Variants in MYH3 observed in about 807,000 individuals in gnomAD.
The protein encoded by MYH3 is myosin-3.
A neutral mutation model predicts 238.0 loss-of-function variants in MYH3; 130 were observed. The ratio of observed to expected loss-of-function variants is 0.55; its 90% CI spans 0.47 to 0.63. The LOEUF is 0.63. MYH3 is among the 30% of genes least tolerant of loss of function. The pLI is 0.00. For synonymous variants in MYH3, 880 were observed against 924.1 expected (o/e 0.95, Z 0.86); for missense variants, 1,853 against 2,374.9 (o/e 0.78, Z 4.57).
rs539906368 is a variant in MYH3 at position 10,637,264 on chromosome 17, C to T, written c.3856+545G>A. The stretch of plus-strand genomic sequence containing the variant: ...TAATAGAGACGGGGTTTCACCATGT[C>T]GGCCAGGCTGGTCTTGAACTCCTGA... On this transcript the variant is annotated intron_variant, in intron 28 of 40. Transcript: ENST00000583535. Among the ~76,000 whole-genome samples the T allele has an allele frequency of 3.2e-4, 49 of 152,002 alleles. 3 individuals carry two copies. The South Asian group carries it at 6.2e-3, about 19-fold the overall frequency.
Position 10,634,171 on chromosome 17 carries a change from C to T in MYH3, c.4368G>A (p.Glu1456=). ...KQRNFDKVLA[E]WKTKCEESQA... ...GGCTCTCCTCACACTTTGTCTTCCA[C>T]TCTGCCAACACCTGAAACACCGGAC... The change falls in exon 32 of 41, where the codon GAG becomes GAA. Residue 1456 remains glutamate (E), a synonymous_variant. Coordinates refer to ENST00000583535, the MANE Select transcript of MYH3 (RefSeq NM_002470.4). 1 of 1,614,224 alleles carries T rather than the reference C, an allele frequency of 6.2e-7. No homozygotes were observed. Among genetic ancestry groups the T allele is most frequent in the Non-Finnish European group, 8.5e-7 (1 of 1,180,050 alleles).
At chr17:10,672,260 G>A in the MYH3 span, among the ~76,000 whole-genome samples, 146 of 152,122 alleles carry the variant, frequency 9.6e-4, 1 homozygote, top group South Asian at 0.029. Flanking sequence ...ACATAGTAAC[G>A]TTTTACATAA....
intron 36 of MYH3, among the ~76,000 whole-genome samples, 157 bp downstream of exon 36, chr17:10,631,454 A>G (rs2074155871): frequency 6.6e-6 from 1 of 152,196 alleles, no homozygotes; most frequent in Non-Finnish European, 1.5e-5. Context: ...TCTAAAGTGC[A>G]GGAGGGAACA....
chr17:10,654,485 G>T lies in MYH3; in HGVS notation c.204+376C>A, dbSNP rs1480468435. Among the ~76,000 whole-genome samples, 1 of 152,198 alleles carries T rather than the reference G, an allele frequency of 6.6e-6. No homozygotes were observed. Among genetic ancestry groups the T allele is most frequent in the Admixed American group, 6.5e-5 (1 of 15,274 alleles). On this transcript the variant is annotated intron_variant, in intron 3 of 40. Transcript: ENST00000583535. The surrounding 1 kb of genome is among the most constrained non-coding windows in gnomAD (Gnocchi z 4.5). Reference sequence around the variant, plus strand: ...TTCCTTGGTTAGATGGCCATTGATAGAATAATTTGGGACAAATCTAGGCTA... The same window carrying T: ...TTCCTTGGTTAGATGGCCATTGATATAATAATTTGGGACAAATCTAGGCTA...
Position 10,634,079 on chromosome 17 carries a change from T to C in MYH3, c.4460A>G (p.Asn1487Ser), listed in dbSNP as rs1217634614. 2.5e-6 allele frequency: 4 copies of C among 1,614,018 alleles called. No homozygotes were observed. Among genetic ancestry groups the C allele is most frequent in the Non-Finnish European group, 3.4e-6 (4 of 1,180,014 alleles). The change falls in exon 32 of 41, where the codon AAT becomes AGT. Residue 1487 changes from asparagine (N) to serine (S), a missense_variant. By Grantham distance (46) the Asn-to-Ser change is conservative. Coordinates refer to ENST00000583535, the MANE Select transcript of MYH3 (RefSeq NM_002470.4). ...SLSTELFKLK[N>S]AYEEALDQLE... ...TTGATCTAAGGCTTCCTCGTAGGCATTTTTCAGTTTGAAGAGCTCAGTGCT... is the reference window on the plus strand; with the variant it reads ...TTGATCTAAGGCTTCCTCGTAGGCACTTTTCAGTTTGAAGAGCTCAGTGCT...
At chr17:10,668,257 T>C in the MYH3 span, among the ~76,000 whole-genome samples, 1 of 152,184 alleles carries the variant, frequency 6.6e-6, no homozygotes, top group Non-Finnish European at 1.5e-5. Flanking sequence ...TAGCTGGGCG[T>C]GGTGGCGCGT....
rs1215045470 is a variant in MYH3, at chr17:10,652,525, G to A, written c.243C>T (p.Asn81=). The change falls in exon 4 of 41, where the codon AAC becomes AAT. Residue 81 remains asparagine, a synonymous_variant. Coordinates refer to ENST00000583535, the MANE Select transcript of MYH3 (RefSeq NM_002470.4). ...CTTCGATCCTGTCGAACTTGGGGGG[G>A]TTCATGGCGTACACATCCTCTGGTT... ...VVKPEDVYAM[N]PPKFDRIEDM... is the part of the protein sequence containing the mutation. The A allele has an allele frequency of 9.9e-6, 16 of 1,613,706 alleles. No individual in the cohort carries two copies. Among genetic ancestry groups the A allele is most frequent in the Middle Eastern group, 1.7e-4 (1 of 6,058 alleles).
chr17:10,668,442 T>G, the MYH3 span, among the ~76,000 whole-genome samples: 8 of 152,182 alleles, frequency 5.3e-5, no homozygotes, highest in African/African-American at 1.9e-4. Flanking sequence ...CAGCCTATTT[T>G]AGGTTGAAAG....
chr17:10,655,901 C>T (rs938796363), intron 2 of MYH3, among the ~76,000 whole-genome samples, 189 bp downstream of exon 2: 1 of 152,144 alleles, frequency 6.6e-6, no homozygotes, highest in Non-Finnish European at 1.5e-5. Flanking sequence ...CTGCCCACCT[C>T]GGCCTCTCAA....
At chr17:10,635,590 C>A in intron 29 of MYH3, 27 bp from the exon 30 acceptor site, 1 of 1,614,258 alleles carries the variant, frequency 6.2e-7, no homozygotes, top group Non-Finnish European at 8.5e-7. Flanking sequence ...GAGAAGAGCA[C>A]CTGATATATT....
rs1362207630 is a variant in MYH3 at position 10,629,588 on chromosome 17, G to A, written c.5796+9C>T. ...CTGGGGGGGGGCTCCTCCCAGCTCA[G>A]CGACTCACCCTGCTGGAGGTGAAGT... On this transcript the variant is annotated intron_variant, in intron 40 of 40. Coordinates refer to ENST00000583535, the MANE Select transcript of MYH3 (RefSeq NM_002470.4). 3 of 1,612,652 alleles carry A rather than the reference G, an allele frequency of 1.9e-6. No homozygotes were observed. Among genetic ancestry groups the A allele is most frequent in the Non-Finnish European group, 2.5e-6 (3 of 1,180,036 alleles).
chr17:10,647,058 T>TA (rs140402996), intron 10 of MYH3, 124 bp downstream of exon 10: 1 of 786,690 alleles, frequency 1.3e-6, no homozygotes, highest in Non-Finnish European at 2.1e-6. Flanking sequence ...TCAAAATAAA[T>TA]AAATAAAATA....
intron 12 of MYH3, among the ~76,000 whole-genome samples, chr17:10,645,189 C>T (rs1485660165): frequency 6.6e-6 from 1 of 152,002 alleles, no homozygotes; most frequent in African/African-American, 2.4e-5. Flanking sequence ...AATCACAGCA[C>T]TTTGGGATGC....
the MYH3 span, among the ~76,000 whole-genome samples, chr17:10,666,688 T>A: frequency 1.5e-4 from 23 of 151,510 alleles, no homozygotes; most frequent in African/African-American, 5.6e-4. Context: ...CTTGAGCCCA[T>A]GAGGCCAAGG....
intron 33 of MYH3, among the ~76,000 whole-genome samples, 175 bp downstream of exon 33, chr17:10,633,416 A>G (rs2074183662): frequency 2.0e-5 from 3 of 152,222 alleles, no homozygotes; most frequent in African/African-American, 7.2e-5. Flanking sequence ...TAAATTTAAG[A>G]TAATTCACAG....
chr17:10,662,755 C>G, the MYH3 span, among the ~76,000 whole-genome samples: 1 of 152,106 alleles, frequency 6.6e-6, no homozygotes, highest in African/African-American at 2.4e-5. Flanking sequence ...TAGTCTTGAT[C>G]ATTCCTCCTA....
chr17:10,657,357 C>T (rs73974808), upstream of MYH3: 5,846 of 152,322 alleles, frequency 0.038, 129 homozygotes, highest in South Asian at 0.069. Context: ...TGGTAACCCC[C>T]GCGGCTCATT....
At chr17:10,649,781 C>A (rs2074357720) in intron 6 of MYH3, 96 bp from the exon 7 acceptor site, 6 of 1,061,590 alleles carry the variant, frequency 5.7e-6, no homozygotes, top group South Asian at 1.3e-5. Flanking sequence ...ATGGTCTGAG[C>A]CATCTCTGAC....
chr17:10,665,846 A>G, the MYH3 span, among the ~76,000 whole-genome samples: 1 of 152,328 alleles, frequency 6.6e-6, no homozygotes, highest in East Asian at 1.9e-4. Context: ...ATTCTGCCAG[A>G]TACTAAAACA....
Sources: allele counts gnomAD v4.1 joint callset (sites outside exome capture counted in the v4.1 genomes callset), GRCh38; gene constraint gnomAD v4.1.1; non-coding constraint Gnocchi (gnomAD v3.1); transcripts MANE v1.5; gene names NCBI Gene and HGNC (gene_info 2026-07-23, HGNC 2026-07-21).